The following OR1A1 variants were observed in gnomAD, a reference collection of about 807,000 sequenced individuals.
OR1A1 encodes olfactory receptor 1A1.
For missense variants in OR1A1, 391 were observed against 379.9 expected, an observed-to-expected ratio of 1.03 and a Z score of -0.24; for synonymous variants, 145 against 147.8, an observed-to-expected ratio of 0.98 and a Z score of 0.13.
chr17:3,211,971 C>G (rs1169948484), intron 2 of OR1A1, among the ~76,000 whole-genome samples: 1 of 149,940 alleles, frequency 6.7e-6, no homozygotes, highest in African/African-American at 2.4e-5. Flanking sequence ...ATTCCATTTT[C>G]TAATTTAGTG....
chr17:3,218,550 A>T lies in OR1A1; in HGVS notation c.*2000A>T, dbSNP rs2150598406. The T allele has an allele frequency of 1.3e-5, 2 of 152,378 alleles. No individual in the cohort carries two copies. Among genetic ancestry groups the T allele is most frequent in the Admixed American group, 1.3e-4 (2 of 15,308 alleles). 9.4% of individuals were successfully genotyped at this position (152,378 alleles called of 1,614,324 possible). On this transcript the variant is annotated 3_prime_UTR_variant, in exon 4 of 4. Transcript: ENST00000641732. ...CCCATCAATGATAGACTGGATGAAG[A>T]AAATGTGGCACATATACACCATGGA...
chr17:3,215,487 T>G (rs766624997), intron 3 of OR1A1, 129 bp from the exon 4 acceptor site: 3 of 666,394 alleles, frequency 4.5e-6, no homozygotes, highest in Non-Finnish European at 7.6e-6. Context: ...ACTGGATATC[T>G]CTATAATTTA....
chr17:3,210,104 C>G (rs2048434194), intron 2 of OR1A1, among the ~76,000 whole-genome samples: 1 of 152,054 alleles, frequency 6.6e-6, no homozygotes, highest in African/African-American at 2.4e-5. Flanking sequence ...CGTGGGTAGA[C>G]CATTTCTAAG....
At position 3,215,672 on chromosome 17, in the gene OR1A1, A is replaced by G; in HGVS notation, c.52A>G (p.Thr18Ala). The G allele has an allele frequency of 6.2e-7, 1 of 1,614,130 alleles. No homozygotes were observed. Among genetic ancestry groups the G allele is most frequent in the Non-Finnish European group, 8.5e-7 (1 of 1,180,002 alleles). The change falls in exon 4 of 4, where the codon ACT becomes GCT. Residue 18 changes from threonine to alanine, a missense_variant. By Grantham distance (58) the Thr-to-Ala change is moderately conservative. Coordinates refer to ENST00000641732, the MANE Select transcript of OR1A1 (RefSeq NM_014565.3). ...STLEFILLGVTGQQEQEDFFY... is the reference protein window; with the variant it reads ...STLEFILLGVAGQQEQEDFFY... ...ACTGGAATTCATCCTCCTGGGAGTT[A>G]CTGGTCAGCAGGAACAGGAAGATTT... is the stretch of plus-strand genomic sequence containing the variant.
intron 2 of OR1A1, among the ~76,000 whole-genome samples, chr17:3,210,533 G>A (rs1477089967): frequency 6.6e-6 from 1 of 152,134 alleles, no homozygotes; most frequent in African/African-American, 2.4e-5. Context: ...GGCCATGCCA[G>A]TTTCCTATGA....
chr17:3,215,942 G>C lies in OR1A1; in HGVS notation c.322G>C (p.Gly108Arg), dbSNP rs765716663. ...LTQMYFMIAL[G>R]NTDSYILAAM... ...GCAGATGTATTTCATGATAGCCTTG[G>C]GTAACACAGACAGCTATATTTTGGC... The change falls in exon 4 of 4, where the codon GGT (glycine) becomes CGT (arginine). Residue 108 changes from glycine (G) to arginine (R), a missense_variant. Physicochemically the swap from Gly to Arg is moderately radical, Grantham distance 125 (BLOSUM62 -2). Transcript: ENST00000641732. 6.2e-7 allele frequency: 1 copy of C among 1,614,084 alleles called. No individual in the cohort carries two copies. Among genetic ancestry groups the C allele is most frequent in the South Asian group, 1.1e-5 (1 of 91,070 alleles).
chr17:3,210,616 G>GT (rs1196431721), intron 2 of OR1A1, among the ~76,000 whole-genome samples: 2 of 151,752 alleles, frequency 1.3e-5, no homozygotes, highest in Non-Finnish European at 2.9e-5. Flanking sequence ...TGTTGTTTTT[G>GT]TTTTTTTGAG....
Position 3,215,914 on chromosome 17 carries a change from A to G in OR1A1, c.294A>G (p.Leu98=). ...GSKSISFGGC[L]TQMYFMIALG... ...AATCCATCTCTTTTGGGGGATGCCT[A>G]ACGCAGATGTATTTCATGATAGCCT... The change falls in exon 4 of 4, where the codon CTA becomes CTG. Residue 98 remains leucine (L), a synonymous_variant. Transcript: ENST00000641732. 6.2e-7 allele frequency: 1 copy of G among 1,614,196 alleles called. No homozygotes were observed. The highest frequency in any genetic ancestry group is 1.3e-5 in the African/African-American group (1 of 75,042).
chr17:3,210,183 G>T (rs2048434722), intron 2 of OR1A1, among the ~76,000 whole-genome samples: 1 of 150,114 alleles, frequency 6.7e-6, no homozygotes, highest in East Asian at 2.0e-4. Context: ...TTTAGATGGG[G>T]TCTCACACTA....
At position 3,215,781 on chromosome 17, in the gene OR1A1, G is replaced by A. The variant is rs752953337; in HGVS notation, c.161G>A (p.Arg54His). 42 of 1,613,956 alleles carry A rather than the reference G, an allele frequency of 2.6e-5. No homozygotes were observed. The highest frequency in any genetic ancestry group is 3.4e-5 in the Non-Finnish European group (40 of 1,180,006). The change falls in exon 4 of 4, where the codon CGC (arginine) becomes CAC (histidine). Residue 54 changes from arginine (R) to histidine (H), a missense_variant. Transcript: ENST00000641732. ...LIVLAICSDV[R>H]LHNPMYFLLA... is the part of the protein sequence containing the mutation. The stretch of plus-strand genomic sequence containing the variant: ...GTCCTAGCCATTTGCTCTGATGTTC[G>A]CCTTCACAACCCCATGTATTTTCTC...
intron 2 of OR1A1, among the ~76,000 whole-genome samples, chr17:3,211,959 G>A (rs1305591417): frequency 6.6e-6 from 1 of 151,554 alleles, no homozygotes; most frequent in East Asian, 2.0e-4. Flanking sequence ...AAGTAAAAAT[G>A]AATTCCATTT....
chr17:3,214,998 G>T (rs939868367), intron 3 of OR1A1: 2 of 152,258 alleles, frequency 1.3e-5, no homozygotes, highest in African/African-American at 2.4e-5. Flanking sequence ...ACAATCTTCC[G>T]ACACAGTGTA....
chr17:3,209,107 AT>A (rs2048427850), intron 2 of OR1A1, 109 bp downstream of exon 2: 1 of 152,042 alleles, frequency 6.6e-6, no homozygotes. Context: ...TTTAGTGGTG[AT>A]TTGTGAGATC....
rs140206288 is a variant in OR1A1, at chr17:3,212,292, A to C, written c.-138-175A>C. Among the ~76,000 whole-genome samples the C allele has an allele frequency of 3.4e-3, 520 of 152,318 alleles. 1 individual carries two copies. Among genetic ancestry groups the C allele is most frequent in the African/African-American group, 0.012 (492 of 41,578 alleles). ...TAAGAACTAGCTAATGTCTGAATGGAGACCCCAAGGGGCCACCACAGCATC... is the reference window on the plus strand; with the variant it reads ...TAAGAACTAGCTAATGTCTGAATGGCGACCCCAAGGGGCCACCACAGCATC... On this transcript the variant is annotated intron_variant, in intron 2 of 3. Coordinates refer to ENST00000641732, the MANE Select transcript of OR1A1 (RefSeq NM_014565.3).
rs765628654 is a variant in OR1A1 at position 3,215,873 on chromosome 17, C to T, written c.253C>T (p.His85Tyr). The change falls in exon 4 of 4, where the codon CAT becomes TAT. Residue 85 changes from histidine (H) to tyrosine (Y), a missense_variant. His to Tyr is a moderately conservative substitution (Grantham distance 83). Transcript: ENST00000641732. ...AACCATCCCTAAGATGCTGGCCAAC[C>T]ATCTCTTGGGCAGCAAATCCATCTC... is the stretch of plus-strand genomic sequence containing the variant. Reference protein sequence around the residue: ...SVTIPKMLANHLLGSKSISFG... With the variant: ...SVTIPKMLANYLLGSKSISFG... 1.2e-6 allele frequency: 2 copies of T among 1,614,158 alleles called. No individual in the cohort carries two copies. Among genetic ancestry groups the T allele is most frequent in the South Asian group, 2.2e-5 (2 of 91,072 alleles).
At chr17:3,211,953 A>C (rs1443945423) in intron 2 of OR1A1, among the ~76,000 whole-genome samples, 1 of 152,000 alleles carries the variant, frequency 6.6e-6, no homozygotes, top group Non-Finnish European at 1.5e-5. Context: ...GGGAAAAAGT[A>C]AAAATGAATT....
At chr17:3,214,135 T>C (rs2048455315) in intron 3 of OR1A1, 1 of 152,120 alleles carries the variant, frequency 6.6e-6, no homozygotes, top group African/African-American at 2.4e-5. Context: ...ATCCCACATA[T>C]GGGGAGTACA....
chr17:3,210,752 C>T (rs1288261502), intron 2 of OR1A1, among the ~76,000 whole-genome samples: 2 of 151,962 alleles, frequency 1.3e-5, no homozygotes, highest in African/African-American at 4.8e-5. Context: ...ATCACAGGCA[C>T]CCACCACCAC....
At chr17:3,214,144 C>A (rs1299547226) in intron 3 of OR1A1, 4 of 152,042 alleles carry the variant, frequency 2.6e-5, no homozygotes, top group African/African-American at 9.7e-5. Context: ...ATGGGGAGTA[C>A]AAGAAATATA....
Sources: allele counts gnomAD v4.1 joint callset (sites outside exome capture counted in the v4.1 genomes callset), GRCh38; gene constraint gnomAD v4.1.1; transcripts MANE v1.5; gene names NCBI Gene and HGNC (gene_info 2026-07-23, HGNC 2026-07-21).